SPAG17: variants seen among roughly 807,000 people sequenced by gnomAD.
SPAG17 encodes the protein sperm associated antigen 17, also known as sperm-associated antigen 17.
Under a neutral mutation model 273.6 loss-of-function variants are expected in SPAG17, and 169 were observed. The observed-to-expected ratio is 0.62, with a 90% CI of 0.55 to 0.70. The LOEUF (loss-of-function observed/expected upper bound fraction) is 0.70, where lower values mean the gene tolerates loss of function less well. Among genes scored for constraint, SPAG17 ranks in the 30% least tolerant of loss-of-function variants. SPAG17 has a pLI of 0.00. For synonymous variants in SPAG17, 825 were observed against 873.2 expected (o/e 0.94, Z 0.97); for missense variants, 2,557 against 2,627.8 (o/e 0.97, Z 0.59).
At chr1:118,063,893 AAAAC>A (rs1362402464) in intron 18 of SPAG17, among the ~76,000 whole-genome samples, 11 of 152,228 alleles carry the variant, frequency 7.2e-5, no homozygotes, top group East Asian at 1.9e-4. Flanking sequence ...TTACAAGAAA[AAAAC>A]AAACAACCCC....
In SPAG17 at chr1:117,970,100, G is replaced by T. The variant is rs754881175; in HGVS notation, c.6343C>A (p.Pro2115Thr). ...VDFCRFKVKQ[P>T]PPSTGLKVTY... ...ACTTTCAGTCCTGTGCTGGGTGGGGGCTGCTTTACTTTAAACCTACAAGGC... is the reference window on the plus strand; with the variant it reads ...ACTTTCAGTCCTGTGCTGGGTGGGGTCTGCTTTACTTTAAACCTACAAGGC... Residue 2115 changes from proline (P) to threonine (T), a missense_variant, in exon 46 of 49, where the codon CCC (proline) becomes ACC (threonine). Coordinates refer to ENST00000336338, the MANE Select transcript of SPAG17 (RefSeq NM_206996.4). The T allele has an allele frequency of 6.2e-7, 1 of 1,612,712 alleles. No homozygotes were observed. The highest frequency in any genetic ancestry group is 2.2e-5 in the East Asian group (1 of 44,838).
At chr1:118,005,911 T>C (rs1658830026) in intron 31 of SPAG17, among the ~76,000 whole-genome samples, 1 of 152,322 alleles carries the variant, frequency 6.6e-6, no homozygotes, top group South Asian at 2.1e-4. Context: ...TGAGGTTACA[T>C]ACATGTTTGG....
At chr1:117,954,645 C>T (rs751254144) in intron 48 of SPAG17, 35 of 1,608,834 alleles carry the variant, frequency 2.2e-5, no homozygotes, top group Middle Eastern at 1.6e-4. Context: ...AAATGTCTAA[C>T]GGTTTTCCTT....
At chr1:118,064,517 AT>A (rs1487339852) in intron 18 of SPAG17, among the ~76,000 whole-genome samples, 4 of 144,258 alleles carry the variant, frequency 2.8e-5, no homozygotes, top group East Asian at 2.1e-4. Flanking sequence ...GTTCTCACTC[AT>A]AGGTCGGAAT....
At chr1:117,959,052 G>C in intron 48 of SPAG17, 1 of 1,561,306 alleles carries the variant, frequency 6.4e-7, no homozygotes, top group South Asian at 1.1e-5. Flanking sequence ...TTCCTAGTGT[G>C]ATTTAGAAAT....
intron 43 of SPAG17, among the ~76,000 whole-genome samples, chr1:117,976,009 T>C (rs529273004): frequency 1.3e-5 from 2 of 152,344 alleles, no homozygotes; most frequent in Non-Finnish European, 2.9e-5. Context: ...TATATAGCAT[T>C]ATTTCCCCTT....
At position 117,963,893 on chromosome 1, in the gene SPAG17, G is replaced by A. The variant is rs759226421; in HGVS notation, c.6578C>T (p.Pro2193Leu). 2 of 1,613,726 alleles carry A rather than the reference G, an allele frequency of 1.2e-6. No individual in the cohort carries two copies. The highest frequency in any genetic ancestry group is 2.2e-5 in the South Asian group (2 of 91,032). ...GACCATTGGATTTTCTTTTCCCTGG[G>A]GAAAGTCTTTTGGTCGTTTATCATA... Reference protein sequence around the residue: ...SNYDKRPKDFPQGKENPMVQR... With the variant: ...SNYDKRPKDFLQGKENPMVQR... Residue 2193 changes from proline to leucine, a missense_variant, in exon 48 of 49, where the codon CCC becomes CTC. Pro to Leu is a moderately conservative substitution (Grantham distance 98). Transcript: ENST00000336338.
chr1:118,138,045 G>A (rs1658458218), intron 3 of SPAG17, among the ~76,000 whole-genome samples: 1 of 152,142 alleles, frequency 6.6e-6, no homozygotes, highest in Non-Finnish European at 1.5e-5. Context: ...ATTTGGGTAA[G>A]TGTTCTGTCT....
intron 20 of SPAG17, among the ~76,000 whole-genome samples, chr1:118,049,742 A>C (rs1242948857): frequency 6.6e-6 from 1 of 152,236 alleles, no homozygotes; most frequent in Admixed American, 6.5e-5. Flanking sequence ...AATAAAAAAA[A>C]CTAGAGATAT....
At chr1:117,961,979 A>T (rs1315438617) in intron 48 of SPAG17, 1 of 151,986 alleles carries the variant, frequency 6.6e-6, no homozygotes, top group East Asian at 1.9e-4. Flanking sequence ...TCATCAGAAC[A>T]TAAATGTCAC....
At chr1:118,088,868 T>G (rs888485125) in intron 10 of SPAG17, among the ~76,000 whole-genome samples, 3 of 152,060 alleles carry the variant, frequency 2.0e-5, no homozygotes, top group Non-Finnish European at 4.4e-5. Flanking sequence ...TCAATAATAA[T>G]TAAGGTAAAT....
intron 15 of SPAG17, among the ~76,000 whole-genome samples, chr1:118,080,528 G>C (rs1654464914): frequency 6.6e-6 from 1 of 152,182 alleles, no homozygotes; most frequent in African/African-American, 2.4e-5. Flanking sequence ...ATAGTAGGAA[G>C]CCTTTGAAAG....
In SPAG17 at chr1:118,093,188, T is replaced by G; in HGVS notation, c.1141A>C (p.Lys381Gln). ...LINVPQVVNE[K>Q]PVLEAMPTSE... The stretch of plus-strand genomic sequence containing the variant: ...GTTGGCATGGCTTCTAATACAGGTT[T>G]CTCATTAACCACTTGTGGAACATTA... Residue 381 changes from lysine (K) to glutamine (Q), a missense_variant, in exon 8 of 49, where the codon AAA (lysine) becomes CAA (glutamine). Physicochemically the swap from Lys to Gln is moderately conservative, Grantham distance 53. Coordinates refer to ENST00000336338, the MANE Select transcript of SPAG17 (RefSeq NM_206996.4). The G allele has an allele frequency of 6.2e-7, 1 of 1,613,686 alleles. No individual in the cohort carries two copies. Among genetic ancestry groups the G allele is most frequent in the Non-Finnish European group, 8.5e-7 (1 of 1,179,728 alleles).
chr1:118,184,934 G>C, intron 1 of SPAG17, 137 bp downstream of exon 1: 1 of 728,626 alleles, frequency 1.4e-6, no homozygotes, highest in Non-Finnish European at 2.3e-6. Context: ...CCTGTCCCTG[G>C]GACCCTGGGT....
At chr1:118,049,066 G>A (rs1028131492) in intron 20 of SPAG17, among the ~76,000 whole-genome samples, 3 of 152,064 alleles carry the variant, frequency 2.0e-5, no homozygotes, top group Non-Finnish European at 2.9e-5. Flanking sequence ...TAACAACTGA[G>A]AGACTGAATC....
chr1:117,980,872 A>T (rs963450457), intron 43 of SPAG17, among the ~76,000 whole-genome samples: 6 of 152,234 alleles, frequency 3.9e-5, no homozygotes, highest in Admixed American at 6.5e-5. Flanking sequence ...TAGCACCTGC[A>T]GGACCAAGAA....
At chr1:118,142,039 G>A (rs1658710216) in intron 3 of SPAG17, among the ~76,000 whole-genome samples, 1 of 150,756 alleles carries the variant, frequency 6.6e-6, no homozygotes, top group Non-Finnish European at 1.5e-5. Context: ...CTCACAATGT[G>A]AACACCCACG....
At position 118,150,585 on chromosome 1, in the gene SPAG17, CT is replaced by C; in HGVS notation, c.272del (p.Lys91ArgfsTer6). On this transcript the variant is annotated frameshift_variant, in exon 3 of 49. Coordinates refer to ENST00000336338, the MANE Select transcript of SPAG17 (RefSeq NM_206996.4). LOFTEE classifies it high-confidence loss of function. ...CATTACCACCTACAGGTTTTTTTGC[CT>C]TTTTAGATGAAGCAGATCCAACAAG... The part of the protein sequence containing the change: ...NTLVGSASSK[K>X]AKKPVGGNAP... 3 of 1,578,274 alleles carry C rather than the reference CT, an allele frequency of 1.9e-6. No individual in the cohort carries two copies. The highest frequency in any genetic ancestry group is 1.1e-5 in the South Asian group (1 of 87,970).
intron 19 of SPAG17, 76 bp downstream of exon 19, chr1:118,055,657 A>T: frequency 8.2e-7 from 1 of 1,215,688 alleles, no homozygotes; most frequent in Non-Finnish European, 1.2e-6. Context: ...GAAAATATTC[A>T]CAGTCTTGAT....
Sources: allele counts gnomAD v4.1 joint callset (sites outside exome capture counted in the v4.1 genomes callset), GRCh38; gene constraint gnomAD v4.1.1; transcripts MANE v1.5; gene names NCBI Gene and HGNC (gene_info 2026-07-23, HGNC 2026-07-21).